STXBP5: variants seen among roughly 807,000 people sequenced by gnomAD.
The protein encoded by STXBP5 is syntaxin binding protein 5, also known as syntaxin-binding protein 5.
A neutral mutation model predicts 152.4 loss-of-function variants in STXBP5; 50 were observed. That is an observed-to-expected ratio of 0.33 (90% CI 0.26 to 0.42). STXBP5 has a LOEUF of 0.42. Ranked by LOEUF, STXBP5 falls within the 10% of genes least tolerant of loss-of-function variation. The pLI is 1.00. For synonymous variants in STXBP5, 492 were observed against 494.7 expected (o/e 0.99, Z 0.07); for missense variants, 1,167 against 1,388.6 (o/e 0.84, Z 2.54).
At chr6:147,222,187 T>TTA (rs1273792950) in intron 2 of STXBP5, among the ~76,000 whole-genome samples, 8 of 152,230 alleles carry the variant, frequency 5.3e-5, no homozygotes, top group African/African-American at 1.2e-4. Flanking sequence ...ATTAGAGCCC[T>TTA]TAGCATATAA....
At chr6:147,288,380 T>C (rs1229050233) in intron 8 of STXBP5, among the ~76,000 whole-genome samples, 2 of 152,162 alleles carry the variant, frequency 1.3e-5, no homozygotes, top group African/African-American at 2.4e-5. Flanking sequence ...TGCATTTTCA[T>C]GGCTAGCCTA....
intron 2 of STXBP5, among the ~76,000 whole-genome samples, chr6:147,212,013 T>C (rs1199802118): frequency 1.3e-5 from 2 of 152,248 alleles, no homozygotes; most frequent in Non-Finnish European, 2.9e-5. Flanking sequence ...ATATCTCAAC[T>C]GTTAGCTCCT....
Position 147,316,301 on chromosome 6 carries a change from C to T in STXBP5, c.1696C>T (p.Pro566Ser), listed in dbSNP as rs138013082. 13 of 1,613,880 alleles carry T rather than the reference C, an allele frequency of 8.1e-6. 1 individual carries two copies. In the African/African-American group the frequency reaches 1.6e-4, roughly 20 times the overall value. Residue 566 changes from proline to serine, a missense_variant, in exon 16 of 28, where the codon CCA (proline) becomes TCA (serine). By Grantham distance (74) the Pro-to-Ser change is moderately conservative. Transcript: ENST00000321680. ...TPEGEQPPPL[P>S]TPVGGSNPQP... ...GGAGGGTGAGCAGCCACCACCTTTG[C>T]CAACACCCGTGGGAGGGTCCAACCC...
intron 6 of STXBP5, among the ~76,000 whole-genome samples, chr6:147,265,802 T>A (rs1272716563): frequency 6.6e-6 from 1 of 151,986 alleles, no homozygotes; most frequent in African/African-American, 2.4e-5. Flanking sequence ...GGTATTGTGG[T>A]AAACAAGATA....
intron 25 of STXBP5, among the ~76,000 whole-genome samples, chr6:147,372,639 T>A (rs1785616407): frequency 6.6e-6 from 1 of 151,784 alleles, no homozygotes; most frequent in South Asian, 2.1e-4. Flanking sequence ...TTCACCATGT[T>A]GGTCAGGCTG....
intron 10 of STXBP5, among the ~76,000 whole-genome samples, chr6:147,310,529 G>GT (rs1554296810): frequency 6.7e-6 from 1 of 150,112 alleles, no homozygotes; most frequent in South Asian, 2.1e-4. Context: ...AGGAGAGAAA[G>GT]TGATTGATTG....
chr6:147,216,326 A>T lies in STXBP5; in HGVS notation c.248+10258A>T, dbSNP rs546620665. Reference sequence around the variant, plus strand: ...AGAATCACTTGAACTTGGGAGGCGGAGGTTGCCGTGAGCTGAGACTGCGCC... The same window carrying T: ...AGAATCACTTGAACTTGGGAGGCGGTGGTTGCCGTGAGCTGAGACTGCGCC... On this transcript the variant is annotated intron_variant, in intron 2 of 27. Transcript: ENST00000321680. Among the ~76,000 whole-genome samples the T allele has an allele frequency of 7.3e-3, 1,104 of 152,216 alleles. 13 individuals carry two copies. Among genetic ancestry groups the T allele is most frequent in the African/African-American group, 0.026 (1,059 of 41,520 alleles).
At chr6:147,309,146 T>C (rs1319086739) in intron 9 of STXBP5, among the ~76,000 whole-genome samples, 3 of 152,220 alleles carry the variant, frequency 2.0e-5, no homozygotes, top group East Asian at 3.9e-4. Context: ...GTATGGCTTA[T>C]AGATGTGAAG....
intron 16 of STXBP5, among the ~76,000 whole-genome samples, chr6:147,324,263 GGTTTTTT>G (rs1783096226): frequency 1.2e-5 from 1 of 85,044 alleles, no homozygotes; most frequent in African/African-American, 4.5e-5. Context: ...GTTTTTTTTT[GGTTTTTT>G]TTTTTTTTTT....
At chr6:147,341,414 G>A (rs1263818203) in intron 21 of STXBP5, among the ~76,000 whole-genome samples, 1 of 152,026 alleles carries the variant, frequency 6.6e-6, no homozygotes, top group African/African-American at 2.4e-5. Flanking sequence ...CGTATCATCC[G>A]ATCTGGTACC....
At chr6:147,280,267 T>G (rs1026266162) in intron 8 of STXBP5, among the ~76,000 whole-genome samples, 2 of 152,156 alleles carry the variant, frequency 1.3e-5, no homozygotes, top group Admixed American at 6.5e-5. Context: ...TGGTTTTGTC[T>G]CATGTTTATT....
chr6:147,314,249 C>A lies in STXBP5; in HGVS notation c.1294-15C>A. 2 of 1,599,826 alleles carry A rather than the reference C, an allele frequency of 1.3e-6. No individual in the cohort carries two copies. Among genetic ancestry groups the A allele is most frequent in the Admixed American group, 3.3e-5 (2 of 59,868 alleles). On this transcript the variant is annotated splice_polypyrimidine_tract_variant and intron_variant, in intron 12 of 27. Coordinates refer to ENST00000321680, the MANE Select transcript of STXBP5 (RefSeq NM_001127715.4). ...ATGCTTGCAAGTTGCTTTATACAGTCATCTTTTTTTATAGGAATGGCCCAT... is the reference window on the plus strand; with the variant it reads ...ATGCTTGCAAGTTGCTTTATACAGTAATCTTTTTTTATAGGAATGGCCCAT...
At chr6:147,360,532 T>A (rs1309135388) in intron 23 of STXBP5, among the ~76,000 whole-genome samples, 3 of 152,058 alleles carry the variant, frequency 2.0e-5, no homozygotes, top group Admixed American at 6.6e-5. Flanking sequence ...TGTAAGAAAA[T>A]TTTTTTTAAA....
intron 4 of STXBP5, among the ~76,000 whole-genome samples, chr6:147,258,880 T>C (rs1779511044): frequency 6.6e-6 from 1 of 152,130 alleles, no homozygotes; most frequent in African/African-American, 2.4e-5. Flanking sequence ...ATCACTGGCA[T>C]GGTATTGTTT....
At chr6:147,210,676 T>C (rs1037477420) in intron 2 of STXBP5, among the ~76,000 whole-genome samples, 1 of 152,172 alleles carries the variant, frequency 6.6e-6, no homozygotes, top group African/African-American at 2.4e-5. Context: ...AACCACTGCA[T>C]TTAGCCCAAG....
intron 3 of STXBP5, among the ~76,000 whole-genome samples, chr6:147,235,854 C>T (rs1346793586): frequency 5.3e-5 from 8 of 152,082 alleles, no homozygotes; most frequent in Non-Finnish European, 8.8e-5. Flanking sequence ...AGCATTTTAT[C>T]GGCATAGGAA....
chr6:147,239,277 A>G lies in STXBP5; in HGVS notation c.431+7A>G. The stretch of plus-strand genomic sequence containing the variant: ...TTAAATTTTGCAGAGAAAGGTAAGA[A>G]TTCTCCCAGTTATCTTATGTATAGG... On this transcript the variant is annotated splice_region_variant and intron_variant, in intron 4 of 27. Transcript: ENST00000321680. 6.2e-7 allele frequency: 1 copy of G among 1,608,394 alleles called. No homozygotes were observed. Among genetic ancestry groups the G allele is most frequent in the Non-Finnish European group, 8.5e-7 (1 of 1,175,404 alleles).
At chr6:147,356,596 AT>A (rs759605211) in intron 22 of STXBP5, among the ~76,000 whole-genome samples, 74 of 152,028 alleles carry the variant, frequency 4.9e-4, no homozygotes, top group Non-Finnish European at 5.4e-4. Context: ...AAAGAAAGAC[AT>A]TTTTAGAAAC....
At chr6:147,375,337 A>G (rs1287238807) in intron 26 of STXBP5, among the ~76,000 whole-genome samples, 1 of 152,206 alleles carries the variant, frequency 6.6e-6, no homozygotes, top group African/African-American at 2.4e-5. Flanking sequence ...AAAAGTCAAT[A>G]GCAGTAGATG....
Sources: allele counts gnomAD v4.1 joint callset (sites outside exome capture counted in the v4.1 genomes callset), GRCh38; gene constraint gnomAD v4.1.1; transcripts MANE v1.5; gene names NCBI Gene and HGNC (gene_info 2026-07-23, HGNC 2026-07-21).